RALYL: variants seen among roughly 807,000 people sequenced by gnomAD.
The protein encoded by RALYL is RALY RNA binding protein like, also known as RNA-binding Raly-like protein.
A neutral mutation model predicts 35.1 loss-of-function variants in RALYL; 29 were observed. That is an observed-to-expected ratio of 0.83 (90% CI 0.61 to 1.13). The LOEUF is 1.13. RALYL is among the 50% of genes most tolerant of loss of function. RALYL has a pLI of 0.00. For synonymous variants in RALYL, 120 were observed against 127.6 expected (o/e 0.94, Z 0.40); for missense variants, 359 against 360.4 (o/e 1.00, Z 0.03).
At chr8:84,903,728 C>T (rs983186613) in intron 8 of RALYL, among the ~76,000 whole-genome samples, 1 of 152,110 alleles carries the variant, frequency 6.6e-6, no homozygotes, top group Admixed American at 6.6e-5. Flanking sequence ...TGATGCCAAG[C>T]CAAATTTATT....
chr8:84,529,907 A>T (rs1010369522), intron 2 of RALYL, among the ~76,000 whole-genome samples: 2 of 152,150 alleles, frequency 1.3e-5, no homozygotes, highest in African/African-American at 4.8e-5. Flanking sequence ...ACACTATCCT[A>T]TGCAAAAAAT....
intron 2 of RALYL, among the ~76,000 whole-genome samples, chr8:84,658,037 C>T (rs888843597): frequency 2.0e-5 from 3 of 152,084 alleles, no homozygotes; most frequent in African/African-American, 7.2e-5. Context: ...GGAGGTTGGA[C>T]ACCATCTCCC....
At chr8:84,827,324 A>G (rs1200454592) in intron 4 of RALYL, among the ~76,000 whole-genome samples, 1 of 152,148 alleles carries the variant, frequency 6.6e-6, no homozygotes, top group Non-Finnish European at 1.5e-5. Context: ...TATGCTCACC[A>G]CAATAAATGA....
chr8:84,597,703 A>G (rs572540918), intron 2 of RALYL, among the ~76,000 whole-genome samples: 1 of 152,294 alleles, frequency 6.6e-6, no homozygotes, highest in East Asian at 1.9e-4. Context: ...AAAGAGGAAT[A>G]ATATTTTGTG....
At chr8:84,266,837 G>A (rs1004144778) in intron 1 of RALYL, among the ~76,000 whole-genome samples, 4 of 151,780 alleles carry the variant, frequency 2.6e-5, no homozygotes, top group Non-Finnish European at 5.9e-5. Context: ...GCGGGCGCCT[G>A]TAGTCCCAGC....
intron 2 of RALYL, among the ~76,000 whole-genome samples, chr8:84,687,908 C>T (rs1837168492): frequency 6.6e-6 from 1 of 151,970 alleles, no homozygotes; most frequent in African/African-American, 2.4e-5. Flanking sequence ...TGATCCCATC[C>T]ACCTTTTTGC....
chr8:84,346,689 A>G, intron 1 of RALYL, among the ~76,000 whole-genome samples: 1 of 152,030 alleles, frequency 6.6e-6, no homozygotes, highest in Admixed American at 6.6e-5. Flanking sequence ...GGCTGGTCTC[A>G]AACTCCTAAT....
At chr8:84,681,165 A>G (rs1367603972) in intron 2 of RALYL, among the ~76,000 whole-genome samples, 1 of 152,082 alleles carries the variant, frequency 6.6e-6, no homozygotes, top group Non-Finnish European at 1.5e-5. Context: ...AGTTGTAGAT[A>G]TGTGGCATTA....
At chr8:84,191,966 T>C (rs1322685879) in intron 1 of RALYL, among the ~76,000 whole-genome samples, 1 of 152,194 alleles carries the variant, frequency 6.6e-6, no homozygotes, top group African/African-American at 2.4e-5. Flanking sequence ...GATAAAATAA[T>C]CAATTAAAAT....
intron 8 of RALYL, among the ~76,000 whole-genome samples, chr8:84,914,521 TAAGAG>T (rs1030757900): frequency 2.0e-5 from 3 of 151,958 alleles, no homozygotes; most frequent in African/African-American, 7.2e-5. Flanking sequence ...TGGAATAAAA[TAAGAG>T]AAATGTTAAT....
chr8:84,688,906 G>T (rs1041442169), intron 2 of RALYL, among the ~76,000 whole-genome samples: 3 of 151,762 alleles, frequency 2.0e-5, no homozygotes, highest in African/African-American at 7.3e-5. Context: ...TGGTTAAAGG[G>T]ATGTCGAAAG....
intron 2 of RALYL, among the ~76,000 whole-genome samples, chr8:84,708,153 A>G (rs1321071233): frequency 1.3e-5 from 2 of 152,114 alleles, no homozygotes; most frequent in African/African-American, 2.4e-5. Flanking sequence ...GTTTCCTTTC[A>G]GAGGATCTGA....
Position 84,912,981 on chromosome 8 carries a change from AGGATGGAT to A in RALYL, c.859-7868_859-7861del, listed in dbSNP as rs1191228454. Among the ~76,000 whole-genome samples the A allele has an allele frequency of 6.3e-3, 763 of 121,332 alleles. 12 individuals are homozygous for A. The highest frequency in any genetic ancestry group is 0.022 in the African/African-American group (709 of 31,690). 79.6% of individuals were successfully genotyped at this position (121,332 alleles called of 152,430 possible). On this transcript the variant is annotated intron_variant, in intron 8 of 8. Transcript: ENST00000521268. ...AGTTTTGGATGTACAGTGCAGACCC[AGGATGGAT>A]GGATGGATGGATGGATGGATGGATG...
intron 2 of RALYL, among the ~76,000 whole-genome samples, chr8:84,762,803 A>C (rs914653391): frequency 6.6e-6 from 1 of 152,216 alleles, no homozygotes; most frequent in Middle Eastern, 3.2e-3. Flanking sequence ...ATGAAATGAC[A>C]TACAAATGTT....
intron 2 of RALYL, among the ~76,000 whole-genome samples, chr8:84,711,015 C>A (rs200084441): frequency 0.021 from 3,124 of 152,082 alleles, 116 homozygotes; most frequent in African/African-American, 0.071. Context: ...ATGGGGAAGT[C>A]AGGAAAAGCC....
At chr8:84,206,579 G>C (rs1818106364) in intron 1 of RALYL, among the ~76,000 whole-genome samples, 1 of 152,172 alleles carries the variant, frequency 6.6e-6, no homozygotes, top group Non-Finnish European at 1.5e-5. Context: ...AGAGGTATGA[G>C]GTGTCTCTAG....
chr8:84,697,750 C>A (rs952179272), intron 2 of RALYL, among the ~76,000 whole-genome samples: 3 of 151,876 alleles, frequency 2.0e-5, no homozygotes, highest in African/African-American at 7.3e-5. Context: ...CACCCTCCAC[C>A]CTCCAAAGGC....
At chr8:84,402,954 G>T (rs1202903181) in intron 1 of RALYL, among the ~76,000 whole-genome samples, 2 of 152,120 alleles carry the variant, frequency 1.3e-5, no homozygotes, top group Non-Finnish European at 2.9e-5. Flanking sequence ...CTGCATAAAT[G>T]TCTTCATTTG....
At chr8:84,443,820 A>G (rs1021212345) in intron 1 of RALYL, among the ~76,000 whole-genome samples, 4 of 152,090 alleles carry the variant, frequency 2.6e-5, no homozygotes, top group African/African-American at 9.7e-5. Flanking sequence ...AAAATGCTTC[A>G]CCTACTTCTT....
Sources: gnomAD v4.1 joint callset for allele counts (sites outside exome capture counted in the v4.1 genomes callset) on GRCh38, gnomAD v4.1.1 for gene constraint, MANE v1.5 for transcripts, NCBI Gene and HGNC (gene_info 2026-07-23, HGNC 2026-07-21) for gene names.